CFAP61: variants seen among roughly 807,000 people sequenced by gnomAD.
CFAP61 encodes cilia- and flagella-associated protein 61.
In CFAP61, 107 loss-of-function variants were observed where a neutral mutation model predicts 135.6. The observed-to-expected ratio is 0.79, with a 90% CI of 0.67 to 0.93. CFAP61 has a LOEUF of 0.93. CFAP61 is among the 40% of genes least tolerant of loss of function. CFAP61 has a pLI of 0.00. For missense variants in CFAP61, 1,507 were observed against 1,556.2 expected (o/e 0.97, Z 0.53); for synonymous variants, 575 against 578.5 (o/e 0.99, Z 0.09).
rs763900267 is a variant in CFAP61, at chr20:20,098,696, A to G, written c.741A>G (p.Arg247=). ...TTGGGTTCATGAGTGTGTGCTCAAG[A>G]GTGAACATGCAACTGCTGCATGAGT... ...TAVGFMSVCS[R]VNMQLLHECF... Residue 247 remains arginine (R), a synonymous_variant, in exon 8 of 27, where the codon AGA becomes AGG. Coordinates refer to ENST00000245957, the MANE Select transcript of CFAP61 (RefSeq NM_015585.4). The G allele has an allele frequency of 1.2e-6, 2 of 1,613,392 alleles. No individual in the cohort carries two copies. Among genetic ancestry groups the G allele is most frequent in the East Asian group, 2.2e-5 (1 of 44,852 alleles).
Position 20,199,390 on chromosome 20 carries a change from A to G in CFAP61, c.1798-378A>G, listed in dbSNP as rs1279752599. 2.0e-5 allele frequency among the ~76,000 whole-genome samples: 3 copies of G among 152,132 alleles called. No homozygotes were observed. In the East Asian group the frequency reaches 5.8e-4, roughly 29 times the overall value. On this transcript the variant is annotated intron_variant, in intron 16 of 26. Coordinates refer to ENST00000245957, the MANE Select transcript of CFAP61 (RefSeq NM_015585.4). ...TGTCTTCTTAAAGCAGCTTGTGCCA[A>G]ACATGCAAAGGTTAACAGGATGCAG...
intron 7 of CFAP61, among the ~76,000 whole-genome samples, chr20:20,098,221 T>C (rs2047727529): frequency 6.6e-6 from 1 of 152,178 alleles, no homozygotes; most frequent in South Asian, 2.1e-4. Context: ...TATTCCTCCC[T>C]TAAATCTCAA....
chr20:20,199,834 C>T lies in CFAP61; in HGVS notation c.1864C>T (p.Arg622Ter), dbSNP rs147638085. The change falls in exon 17 of 27, where the codon CGA becomes TGA. Residue 622 changes from arginine to a stop codon, truncating the protein, a stop_gained. Transcript: ENST00000245957. LOFTEE classifies it high-confidence loss of function. ...LHYLVPVRPRRQIVYPLEKLG... is the reference protein window; with the variant it reads ...LHYLVPVRPR ...TTACTTGGTTCCCGTGCGACCACGA[C>T]GACAGATTGTCTATCCTCTGGAAAA... The T allele has an allele frequency of 6.2e-6, 10 of 1,614,182 alleles. No homozygotes were observed. The highest frequency in any genetic ancestry group is 4.4e-5 in the South Asian group (4 of 91,084).
At chr20:20,160,675 G>A (rs1176766803) in intron 10 of CFAP61, among the ~76,000 whole-genome samples, 1 of 152,202 alleles carries the variant, frequency 6.6e-6, no homozygotes. Context: ...GCACGATGTA[G>A]GCACAGGGTC....
At chr20:20,228,881 C>A (rs2048927737) in intron 18 of CFAP61, among the ~76,000 whole-genome samples, 1 of 152,180 alleles carries the variant, frequency 6.6e-6, no homozygotes, top group South Asian at 2.1e-4. Flanking sequence ...AATCTGGACT[C>A]CTGGGGAATG....
intron 13 of CFAP61, among the ~76,000 whole-genome samples, chr20:20,173,839 T>C (rs1206923258): frequency 6.6e-6 from 1 of 152,224 alleles, no homozygotes; most frequent in Non-Finnish European, 1.5e-5. Context: ...AGCAATGAGA[T>C]GATACGGATC....
At chr20:20,175,492 TTG>T in intron 13 of CFAP61, among the ~76,000 whole-genome samples, 1 of 2,038 alleles carries the variant, frequency 4.9e-4, no homozygotes, top group South Asian at 0.014. Flanking sequence ...TTTTTTGTTT[TTG>T]TTTTGTTTTG....
intron 2 of CFAP61, among the ~76,000 whole-genome samples, chr20:20,058,346 T>C (rs2044536135): frequency 6.6e-6 from 1 of 152,222 alleles, no homozygotes; most frequent in East Asian, 1.9e-4. Context: ...ACACAAAAGC[T>C]AAGGACTGTG....
intron 15 of CFAP61, among the ~76,000 whole-genome samples, chr20:20,192,135 T>C (rs969914346): frequency 1.3e-5 from 2 of 152,134 alleles, no homozygotes; most frequent in African/African-American, 4.8e-5. Flanking sequence ...GTGGATTCTA[T>C]AGAACAATTT....
chr20:20,247,656 G>A (rs2050567960), intron 19 of CFAP61, among the ~76,000 whole-genome samples: 2 of 152,172 alleles, frequency 1.3e-5, no homozygotes, highest in Admixed American at 6.5e-5. Context: ...TTTCATCATC[G>A]TAGAACGTGC....
chr20:20,182,453 T>C (rs944218235), intron 13 of CFAP61, among the ~76,000 whole-genome samples: 7 of 151,976 alleles, frequency 4.6e-5, no homozygotes, highest in Non-Finnish European at 1.5e-5. Context: ...TTTTAAAGAA[T>C]TGCAGAATTA....
At chr20:20,099,979 TAAC>T (rs2047895486) in intron 8 of CFAP61, among the ~76,000 whole-genome samples, 2 of 152,142 alleles carry the variant, frequency 1.3e-5, no homozygotes, top group African/African-American at 4.8e-5. Context: ...GTGCTGATGA[TAAC>T]AACACCCTCC....
At chr20:20,094,543 CCCCCACGTT>C (rs1295192960) in intron 7 of CFAP61, 4 of 152,278 alleles carry the variant, frequency 2.6e-5, no homozygotes, top group African/African-American at 9.6e-5. Flanking sequence ...GTGACCTCTT[CCCCCACGTT>C]CTTTCTCTCT....
chr20:20,297,543 T>C (rs1243654061), intron 24 of CFAP61, among the ~76,000 whole-genome samples: 1 of 152,204 alleles, frequency 6.6e-6, no homozygotes, highest in Admixed American at 6.5e-5. Flanking sequence ...TCACTTGGGC[T>C]GATGTGGCAA....
At chr20:20,313,462 A>C (rs2056942932) in intron 25 of CFAP61, among the ~76,000 whole-genome samples, 1 of 152,116 alleles carries the variant, frequency 6.6e-6, no homozygotes. Flanking sequence ...AGGCAAACAG[A>C]GGGTGTTTTG....
Position 20,199,937 on chromosome 20 carries a change from G to C in CFAP61, c.1932+35G>C, listed in dbSNP as rs765677433. ...AGGGCGGCAGGCAGGGCGGCGCGGT[G>C]CCAGCTCCCGCGGGCCTGGCAGATG... On this transcript the variant is annotated intron_variant, in intron 17 of 26. Coordinates refer to ENST00000245957, the MANE Select transcript of CFAP61 (RefSeq NM_015585.4). The C allele has an allele frequency of 5.0e-6, 8 of 1,609,010 alleles. No individual in the cohort carries two copies. The Admixed American group carries it at 1.0e-4, about 20-fold the overall frequency.
intron 13 of CFAP61, among the ~76,000 whole-genome samples, chr20:20,177,886 G>A (rs906846040): frequency 1.3e-5 from 2 of 151,964 alleles, no homozygotes; most frequent in African/African-American, 4.8e-5. Flanking sequence ...GGAGCCACTT[G>A]GGCATGGTGA....
At chr20:20,282,303 C>T (rs1463497491) in intron 22 of CFAP61, among the ~76,000 whole-genome samples, 1 of 152,046 alleles carries the variant, frequency 6.6e-6, no homozygotes, top group Non-Finnish European at 1.5e-5. Flanking sequence ...CAGTTTTCTC[C>T]TCTATTGATT....
At chr20:20,126,682 G>A (rs59799984) in intron 8 of CFAP61, among the ~76,000 whole-genome samples, 14,432 of 151,826 alleles carry the variant, frequency 0.095, 1,585 homozygotes, top group East Asian at 0.6. Flanking sequence ...ATAACCTGAT[G>A]ACAGTTTGCC....
Sources: allele counts gnomAD v4.1 joint callset (sites outside exome capture counted in the v4.1 genomes callset), GRCh38; gene constraint gnomAD v4.1.1; transcripts MANE v1.5; gene names NCBI Gene and HGNC (gene_info 2026-07-23, HGNC 2026-07-21).